Variants in KATNAL1 observed in about 807,000 individuals in gnomAD.
The protein encoded by KATNAL1 is katanin catalytic subunit A1 like 1, also known as katanin p60 ATPase-containing subunit A-like 1.
Under a neutral mutation model 55.2 loss-of-function variants are expected in KATNAL1, and 32 were observed. That is an observed-to-expected ratio of 0.58 (90% CI 0.44 to 0.78). The LOEUF is 0.78. KATNAL1 is among the 30% of genes least tolerant of loss of function. The pLI is 0.00. For synonymous variants in KATNAL1, 193 were observed against 193.6 expected, an observed-to-expected ratio of 1.00 and a Z score of 0.02; for missense variants, 466 against 600.9, an observed-to-expected ratio of 0.78 and a Z score of 2.35.
At chr13:30,301,639 C>T (rs1882862102) in intron 1 of KATNAL1, among the ~76,000 whole-genome samples, 2 of 152,118 alleles carry the variant, frequency 1.3e-5, no homozygotes, top group Admixed American at 1.3e-4. Context: ...ATGTGTCTAA[C>T]TCAGAGCCTG....
In KATNAL1 at chr13:30,210,415, A is replaced by T. The variant is rs376148405; in HGVS notation, c.1175T>A (p.Ile392Asn). ...TAKGRAELLK[I>N]NLREVELDPD... ...ATCTAATTCGACCTCACGAAGGTTG[A>T]TCTTCAGAAGCTCAGCTCTTCCTTT... The change falls in exon 10 of 11, where the codon ATC becomes AAC. Residue 392 changes from isoleucine (I) to asparagine (N), a missense_variant. Physicochemically the swap from Ile to Asn is moderately radical, Grantham distance 149. Around this residue, in one of 3 missense-constraint regions of KATNAL1, gnomAD observed 213 missense variants for 308.6 expected, o/e 0.69. Transcript: ENST00000380615. The T allele has an allele frequency of 7.5e-6, 12 of 1,605,936 alleles. No homozygotes were observed. Among genetic ancestry groups the T allele is most frequent in the Non-Finnish European group, 9.3e-6 (11 of 1,176,916 alleles).
intron 6 of KATNAL1, among the ~76,000 whole-genome samples, chr13:30,232,960 A>G (rs914602565): frequency 8.5e-5 from 13 of 152,198 alleles, no homozygotes; most frequent in African/African-American, 2.9e-4. Context: ...TGGATTAAAG[A>G]CCATATACAA....
chr13:30,210,650 GA>G (rs33951005), intron 9 of KATNAL1: 28,813 of 119,630 alleles, frequency 0.24, 2,326 homozygotes, highest in Non-Finnish European at 0.28. Flanking sequence ...ACTAAAAATT[GA>G]AAAAAAAAAA....
chr13:30,273,058 C>T (rs1880503238), intron 3 of KATNAL1, among the ~76,000 whole-genome samples: 1 of 152,230 alleles, frequency 6.6e-6, no homozygotes, highest in Non-Finnish European at 1.5e-5. Context: ...CTCCTCTTGT[C>T]ACCTCAAGGG....
chr13:30,231,420 GC>G lies in KATNAL1; in HGVS notation c.778del (p.Ala260LeufsTer18). On this transcript the variant is annotated frameshift_variant, in exon 7 of 11. Transcript: ENST00000380615. LOFTEE classifies it high-confidence loss of function. ...TGTTGTACCACATTCAGTGGCAACAGCTTTAGCTAGCATAGTTTTACCAGTG... is the reference window on the plus strand; with the variant it reads ...TGTTGTACCACATTCAGTGGCAACAGTTTAGCTAGCATAGTTTTACCAGTG... ...PGTGKTMLAKAVATECGTTFF... is the reference protein window; with the variant it reads ...PGTGKTMLAKXVATECGTTFF... 1 of 1,602,954 alleles carries G rather than the reference GC, an allele frequency of 6.2e-7. No individual in the cohort carries two copies. The highest frequency in any genetic ancestry group is 8.5e-7 in the Non-Finnish European group (1 of 1,174,698).
intron 3 of KATNAL1, among the ~76,000 whole-genome samples, chr13:30,259,059 G>A (rs1465001523): frequency 3.9e-5 from 6 of 152,194 alleles, no homozygotes; most frequent in Admixed American, 3.3e-4. Flanking sequence ...TGTATTAAGG[G>A]TCGGACACAG....
At chr13:30,212,171 A>G (rs1416831806) in intron 9 of KATNAL1, among the ~76,000 whole-genome samples, 2 of 151,784 alleles carry the variant, frequency 1.3e-5, no homozygotes, top group East Asian at 3.9e-4. Flanking sequence ...TTCAAAAAAA[A>G]TCAACAAGGA....
At position 30,241,023 on chromosome 13, in the gene KATNAL1, A is replaced by T; in HGVS notation, c.556T>A (p.Tyr186Asn). 6.2e-7 allele frequency: 1 copy of T among 1,613,734 alleles called. No individual in the cohort carries two copies. The highest frequency in any genetic ancestry group is 8.5e-7 in the Non-Finnish European group (1 of 1,179,792). ...AGGGCTTCCACCAGATCCTTATCAT[A>T]ACCAGCACCATCAAATTTTGGCATT... is the stretch of plus-strand genomic sequence containing the variant. ...GEMPKFDGAGYDKDLVEALER... is the reference protein window; with the variant it reads ...GEMPKFDGAGNDKDLVEALER... The change falls in exon 5 of 11, where the codon TAT becomes AAT. Residue 186 changes from tyrosine (Y) to asparagine (N), a missense_variant. Around this residue, in one of 3 missense-constraint regions of KATNAL1, gnomAD observed 248 missense variants for 275.5 expected, o/e 0.90. Coordinates refer to ENST00000380615, the MANE Select transcript of KATNAL1 (RefSeq NM_032116.5).
In KATNAL1 at chr13:30,265,667, G is replaced by A. The variant is rs190041346; in HGVS notation, c.324-10052C>T. 2.3e-4 allele frequency among the ~76,000 whole-genome samples: 34 copies of A among 150,792 alleles called. No individual in the cohort carries two copies. In the South Asian group the frequency reaches 3.8e-3, roughly 17 times the overall value. ...TCAGCTAGTTTTTTTTTCTACTTATGAGCCTAGCAGATTTTAGAAGTCCCT... is the reference window on the plus strand; with the variant it reads ...TCAGCTAGTTTTTTTTTCTACTTATAAGCCTAGCAGATTTTAGAAGTCCCT... On this transcript the variant is annotated intron_variant, in intron 3 of 10. Coordinates refer to ENST00000380615, the MANE Select transcript of KATNAL1 (RefSeq NM_032116.5).
chr13:30,280,307 G>A lies in KATNAL1; in HGVS notation c.163-84C>T, dbSNP rs370727069. 58 of 1,050,136 alleles carry A rather than the reference G, an allele frequency of 5.5e-5. No homozygotes were observed. The East Asian group carries it at 5.9e-4, about 11-fold the overall frequency. 65.1% of individuals were successfully genotyped at this position (1,050,136 alleles called of 1,614,324 possible). ...AATAATAAATTACTATAGAGTGCAC[G>A]TTTTCTTAATGTCAAAGGGTGAAAA... On this transcript the variant is annotated intron_variant, in intron 2 of 10. Transcript: ENST00000380615.
chr13:30,236,893 C>T (rs1876741822), intron 6 of KATNAL1, among the ~76,000 whole-genome samples: 1 of 152,210 alleles, frequency 6.6e-6, no homozygotes, highest in Admixed American at 6.5e-5. Flanking sequence ...TCCACTCTGC[C>T]TTAGAGCCTT....
intron 4 of KATNAL1, among the ~76,000 whole-genome samples, chr13:30,245,266 T>A (rs968508013): frequency 6.6e-6 from 1 of 152,140 alleles, no homozygotes; most frequent in Non-Finnish European, 1.5e-5. Context: ...AAATCAAAAA[T>A]GTAATCCATC....
chr13:30,207,993 G>C lies in KATNAL1; in HGVS notation c.*547C>G, dbSNP rs1873308177. On this transcript the variant is annotated 3_prime_UTR_variant, in exon 11 of 11. Coordinates refer to ENST00000380615, the MANE Select transcript of KATNAL1 (RefSeq NM_032116.5). ...GCTAGCAGAAGAAATGGCAGGGGTA[G>C]CGGAAGTAAAAATTCTAACCATATG... 1 of 152,202 alleles carries C rather than the reference G, an allele frequency of 6.6e-6. No homozygotes were observed. The highest frequency in any genetic ancestry group is 1.5e-5 in the Non-Finnish European group (1 of 68,050). 9.4% of individuals were successfully genotyped at this position (152,202 alleles called of 1,614,324 possible). A position where few individuals can be genotyped will look rare whatever the true frequency, so the allele number is the denominator to read the frequency against.
intron 1 of KATNAL1, among the ~76,000 whole-genome samples, chr13:30,284,042 G>C (rs1881609327): frequency 6.6e-6 from 1 of 151,940 alleles, no homozygotes; most frequent in Admixed American, 6.6e-5. Context: ...TGTATTTTTA[G>C]TAGAGATGGG....
chr13:30,229,110 C>T (rs1457774735), intron 8 of KATNAL1, among the ~76,000 whole-genome samples: 2 of 152,070 alleles, frequency 1.3e-5, no homozygotes, highest in Non-Finnish European at 2.9e-5. Flanking sequence ...GCTTGAACGG[C>T]CTCTTGTCTA....
chr13:30,277,297 GC>G (rs1462800106), intron 3 of KATNAL1, among the ~76,000 whole-genome samples: 1 of 152,144 alleles, frequency 6.6e-6, no homozygotes, highest in Non-Finnish European at 1.5e-5. Context: ...CTTATTACAT[GC>G]CAGTTGCTGT....
At chr13:30,246,677 A>T (rs1877827434) in intron 4 of KATNAL1, among the ~76,000 whole-genome samples, 1 of 152,232 alleles carries the variant, frequency 6.6e-6, no homozygotes, top group South Asian at 2.1e-4. Context: ...ACAATCCACA[A>T]GGAACTTAAA....
At chr13:30,236,412 T>C (rs563341110) in intron 6 of KATNAL1, among the ~76,000 whole-genome samples, 1 of 152,324 alleles carries the variant, frequency 6.6e-6, no homozygotes, top group Non-Finnish European at 1.5e-5. Flanking sequence ...GCCTGGAATC[T>C]GGGAGTCATA....
At chr13:30,231,556 A>C (rs955091257) in intron 6 of KATNAL1, 84 bp from the exon 7 acceptor site, 55 of 825,492 alleles carry the variant, frequency 6.7e-5, no homozygotes, top group Non-Finnish European at 8.7e-5. Context: ...ATGTACATTG[A>C]GATTTTTCCA....
Sources: gnomAD v4.1 joint callset for allele counts (sites outside exome capture counted in the v4.1 genomes callset) on GRCh38, gnomAD v4.1.1 for gene constraint, gnomAD v4.1.1 regional missense constraint, MANE v1.5 for transcripts, NCBI Gene and HGNC (gene_info 2026-07-23, HGNC 2026-07-21) for gene names.